RPL41: variants seen among roughly 807,000 people sequenced by gnomAD.
RPL41 encodes the protein small ribosomal subunit protein eS32.
A neutral mutation model predicts 7.3 loss-of-function variants in RPL41; 3 were observed. That is an observed-to-expected ratio of 0.41 (90% CI 0.19 to 1.06). RPL41 has a LOEUF of 1.06. Ranked by LOEUF, RPL41 falls within the 50% of genes least tolerant of loss-of-function variation. RPL41 has a pLI of 0.32. For missense variants in RPL41, 13 were observed against 30.4 expected (o/e 0.43, Z 1.35); for synonymous variants, 9 against 7.4 (o/e 1.21, Z -0.34).
At position 56,117,932 on chromosome 12, in the gene RPL41, A is replaced by G; in HGVS notation, c.*408A>G. Reference sequence around the variant, plus strand: ...GTGCTATGGAGGGTATCAAAGCTATAAAGGCAACAGCCCGGGTTACGTGGT... The same window carrying G: ...GTGCTATGGAGGGTATCAAAGCTATGAAGGCAACAGCCCGGGTTACGTGGT... On this transcript the variant is annotated 3_prime_UTR_variant, in exon 3 of 3. Transcript: ENST00000546591. 3.4e-6 allele frequency: 1 copy of G among 291,954 alleles called. No individual in the cohort carries two copies. Among genetic ancestry groups the G allele is most frequent in the South Asian group, 2.9e-5 (1 of 34,342 alleles). 18.1% of individuals were successfully genotyped at this position (291,954 alleles called of 1,614,324 possible).
chr12:56,117,203 A>G lies in RPL41; in HGVS notation c.27A>G (p.Arg9=), dbSNP rs780092588. 7.5e-6 allele frequency: 12 copies of G among 1,600,080 alleles called. No homozygotes were observed. In the South Asian group the frequency reaches 1.3e-4, roughly 17 times the overall value. The change falls in exon 2 of 3, where the codon CGA becomes CGG. Residue 9 remains arginine, a synonymous_variant. Coordinates refer to ENST00000546591, the MANE Select transcript of RPL41 (RefSeq NM_001035267.2). Reference sequence around the variant, plus strand: ...TCGGTTGCTAGTGGAGGAAGAAGCGAATGCGCAGGTACGTTGAGACTTTGC... The same window carrying G: ...TCGGTTGCTAGTGGAGGAAGAAGCGGATGCGCAGGTACGTTGAGACTTTGC... MRAKWRKK[R]MRRLKRKRRK...
rs1047099998 is a variant in RPL41, at chr12:56,117,814, T to C, written c.*290T>C. Reference sequence around the variant, plus strand: ...TAATAAATCACCTCTTCCGCTGTTTTAGCTGAAGAATTAAATCATCTTGTC... The same window carrying C: ...TAATAAATCACCTCTTCCGCTGTTTCAGCTGAAGAATTAAATCATCTTGTC... On this transcript the variant is annotated 3_prime_UTR_variant, in exon 3 of 3. Transcript: ENST00000546591. 5 of 436,784 alleles carry C rather than the reference T, an allele frequency of 1.1e-5. No individual in the cohort carries two copies. The highest frequency in any genetic ancestry group is 2.1e-5 in the Non-Finnish European group (5 of 233,368). The allele number at this position is 436,784 out of a possible 1,614,324, so 27.1% of individuals were successfully genotyped here. A position where few individuals can be genotyped will look rare whatever the true frequency, so the allele number is the denominator to read the frequency against.
rs760092153 is a variant in RPL41 at position 56,116,798 on chromosome 12, AGGTGAGCGGTTCCTGGT to A, written c.12_12+16del. On this transcript the variant is annotated splice_donor_variant and splice_donor_5th_base_variant and coding_sequence_variant and intron_variant, in exon 1 of 3. Transcript: ENST00000546591. LOFTEE classifies it high-confidence loss of function. ...AGAAACCTCTGCGCCATGAGAGCCA[AGGTGAGCGGTTCCTGGT>A]AGTAAGCTTGGGAGGTAGGAGTTGG... 6.2e-7 allele frequency: 1 copy of A among 1,614,010 alleles called. No individual in the cohort carries two copies. The highest frequency in any genetic ancestry group is 8.5e-7 in the Non-Finnish European group (1 of 1,179,886).
chr12:56,116,947 C>A, intron 1 of RPL41, 148 bp downstream of exon 1: 1 of 1,209,644 alleles, frequency 8.3e-7, no homozygotes, highest in Non-Finnish European at 1.2e-6. Context: ...TGTGAGAGAG[C>A]TAGCGGTTAA....
intron 2 of RPL41, 41 bp downstream of exon 2, chr12:56,117,252 T>A (rs1487616913): frequency 6.3e-7 from 1 of 1,584,744 alleles, no homozygotes; most frequent in Admixed American, 2.0e-5. Flanking sequence ...GGGAAGTTCC[T>A]TGGACAAAAC....
intron 1 of RPL41, 139 bp from the exon 2 acceptor site, chr12:56,117,050 C>T (rs1054308275): frequency 2.3e-6 from 3 of 1,295,140 alleles, no homozygotes; most frequent in Non-Finnish European, 3.2e-6. Context: ...TTGTTACGAC[C>T]AATCTTTCAT....
At chr12:56,117,234 CAGG>C (rs1229856762) in intron 2 of RPL41, 23 bp downstream of exon 2, 1 of 1,596,818 alleles carries the variant, frequency 6.3e-7, no homozygotes, top group African/African-American at 1.4e-5. Context: ...TTTGCCAGCC[CAGG>C]AGGAGGGAAG....
Position 56,117,788 on chromosome 12 carries a change from A to G in RPL41, c.*264A>G. ...ATTTGTGGCCGAGTGTAACAACCAT[A>G]TAATAAATCACCTCTTCCGCTGTTT... On this transcript the variant is annotated 3_prime_UTR_variant, in exon 3 of 3. Transcript: ENST00000546591. 1 of 490,794 alleles carries G rather than the reference A, an allele frequency of 2.0e-6. No individual in the cohort carries two copies. Among genetic ancestry groups the G allele is most frequent in the South Asian group, 2.0e-5 (1 of 49,452 alleles). The allele number at this position is 490,794 out of a possible 1,614,324, so 30.4% of individuals were successfully genotyped here. A position where few individuals can be genotyped will look rare whatever the true frequency, so the allele number is the denominator to read the frequency against.
chr12:56,116,938 G>A (rs934834612), intron 1 of RPL41, 139 bp downstream of exon 1: 1 of 1,238,422 alleles, frequency 8.1e-7, no homozygotes, highest in African/African-American at 1.5e-5. Flanking sequence ...AAGGTAGTTT[G>A]TGAGAGAGCT....
In RPL41 at chr12:56,117,340, G is replaced by A. The variant is rs183197270; in HGVS notation, c.35+129G>A. ...TTTGAGTGTTTTCTCCCTGGAGCCAGGATTTAACAGAACAGAGAACGATAG... is the reference window on the plus strand; with the variant it reads ...TTTGAGTGTTTTCTCCCTGGAGCCAAGATTTAACAGAACAGAGAACGATAG... On this transcript the variant is annotated intron_variant, in intron 2 of 2. Transcript: ENST00000546591. 1.7e-4 allele frequency: 244 copies of A among 1,411,988 alleles called. No homozygotes were observed. In the African/African-American group the frequency reaches 3.2e-3, roughly 18 times the overall value. 87.5% of individuals were successfully genotyped at this position (1,411,988 alleles called of 1,614,324 possible).
Sources: allele counts gnomAD v4.1 joint callset, GRCh38; gene constraint gnomAD v4.1.1; transcripts MANE v1.5; gene names NCBI Gene and HGNC (gene_info 2026-07-23, HGNC 2026-07-21).